The following UST variants were observed in gnomAD, a reference collection of about 807,000 sequenced individuals.
UST encodes chondroitin sulfate 2-O-sulfotransferase.
A neutral mutation model predicts 45.6 loss-of-function variants in UST; 21 were observed. That is an observed-to-expected ratio of 0.46 (90% CI 0.33 to 0.66). The LOEUF (loss-of-function observed/expected upper bound fraction) is 0.66, where lower values mean the gene tolerates loss of function less well. Among genes scored for constraint, UST ranks in the 30% least tolerant of loss-of-function variants. UST has a pLI of 0.02. For synonymous variants in UST, 215 were observed against 200.6 expected (o/e 1.07, Z -0.61); for missense variants, 463 against 512.4 (o/e 0.90, Z 0.93).
intron 3 of UST, among the ~76,000 whole-genome samples, chr6:148,949,898 C>T (rs928693957): frequency 6.6e-6 from 1 of 152,156 alleles, no homozygotes; most frequent in African/African-American, 2.4e-5. Flanking sequence ...AGGTCATGTT[C>T]AAAACCAAGC....
intron 5 of UST, among the ~76,000 whole-genome samples, chr6:149,018,819 A>T (rs1487108385): frequency 6.6e-6 from 1 of 152,128 alleles, no homozygotes; most frequent in African/African-American, 2.4e-5. Context: ...TGGTGGCGCC[A>T]CCACGAAGCA....
intron 5 of UST, among the ~76,000 whole-genome samples, chr6:149,014,872 C>A (rs532425680): frequency 6.6e-6 from 1 of 152,172 alleles, no homozygotes; most frequent in African/African-American, 2.4e-5. Context: ...GTATCAGGTG[C>A]CCCATTGTTA....
At chr6:148,905,543 C>A (rs1454851882) in intron 2 of UST, among the ~76,000 whole-genome samples, 1 of 152,248 alleles carries the variant, frequency 6.6e-6, no homozygotes, top group African/African-American at 2.4e-5. Flanking sequence ...TGGCTCCCTT[C>A]CCCTCCCCAG....
intron 2 of UST, among the ~76,000 whole-genome samples, chr6:148,927,114 G>A (rs956288954): frequency 5.3e-5 from 8 of 151,642 alleles, no homozygotes; most frequent in Admixed American, 3.9e-4. Flanking sequence ...TTACGTCCCC[G>A]TTATGTATTG....
intron 7 of UST, among the ~76,000 whole-genome samples, chr6:149,041,461 G>A (rs1021952700): frequency 6.6e-6 from 1 of 152,202 alleles, no homozygotes; most frequent in Admixed American, 6.5e-5. Flanking sequence ...AAGAGACCTG[G>A]AGCTGGGATG....
chr6:148,758,024 TAAGTTC>T (rs1331405105), intron 1 of UST, among the ~76,000 whole-genome samples: 1 of 152,238 alleles, frequency 6.6e-6, no homozygotes, highest in Non-Finnish European at 1.5e-5. Flanking sequence ...GCCTGACATT[TAAGTTC>T]AACAATTGCC....
chr6:148,996,735 A>G (rs1272632263), intron 5 of UST, among the ~76,000 whole-genome samples: 1 of 152,180 alleles, frequency 6.6e-6, no homozygotes, highest in Non-Finnish European at 1.5e-5. Flanking sequence ...CTGTTTTAGT[A>G]GTTCTTCATT....
chr6:149,011,481 T>C (rs1775809840), intron 5 of UST, among the ~76,000 whole-genome samples: 1 of 152,218 alleles, frequency 6.6e-6, no homozygotes, highest in Admixed American at 6.5e-5. Context: ...TTGGATTGTT[T>C]GTAATACAAA....
chr6:148,858,697 T>C (rs1778251035), intron 1 of UST, among the ~76,000 whole-genome samples: 1 of 152,098 alleles, frequency 6.6e-6, no homozygotes, highest in South Asian at 2.1e-4. Flanking sequence ...CCACCCTGTG[T>C]CCATGTGTTC....
At chr6:148,971,221 A>T (rs1333996937) in intron 5 of UST, among the ~76,000 whole-genome samples, 2 of 68,216 alleles carry the variant, frequency 2.9e-5, no homozygotes, top group Non-Finnish European at 6.3e-5. Flanking sequence ...GTGGCCAGTC[A>T]TACATTTTTT....
chr6:148,941,916 T>G (rs913381402), intron 3 of UST, among the ~76,000 whole-genome samples: 8 of 152,186 alleles, frequency 5.3e-5, no homozygotes, highest in Non-Finnish European at 1.0e-4. Context: ...GCATTTGGAA[T>G]GTTCAGTGGT....
At chr6:148,913,099 C>G (rs1779508713) in intron 2 of UST, among the ~76,000 whole-genome samples, 1 of 152,130 alleles carries the variant, frequency 6.6e-6, no homozygotes, top group Admixed American at 6.5e-5. Flanking sequence ...AAATTTCTTA[C>G]TGGATTAGTG....
intron 1 of UST, among the ~76,000 whole-genome samples, chr6:148,795,008 T>C (rs569387989): frequency 4.5e-4 from 68 of 152,322 alleles, no homozygotes; most frequent in African/African-American, 1.5e-3. Flanking sequence ...GACTGACTCA[T>C]GTTGTTTTTA....
intron 7 of UST, among the ~76,000 whole-genome samples, chr6:149,038,025 G>A (rs906722290): frequency 1.3e-5 from 2 of 152,084 alleles, no homozygotes; most frequent in African/African-American, 4.8e-5. Flanking sequence ...CCATAGCAAT[G>A]GCCAGACGCC....
At chr6:149,028,461 C>T (rs985496073) in intron 7 of UST, among the ~76,000 whole-genome samples, 1 of 152,080 alleles carries the variant, frequency 6.6e-6, no homozygotes, top group Non-Finnish European at 1.5e-5. Context: ...TTTGTAACTT[C>T]TAGGTGAAAG....
chr6:148,961,748 C>T (rs139955167), intron 4 of UST, among the ~76,000 whole-genome samples: 11 of 152,314 alleles, frequency 7.2e-5, no homozygotes, highest in African/African-American at 2.6e-4. Flanking sequence ...GGGTACAAAC[C>T]ATTCTCAGCC....
At chr6:149,012,196 T>C (rs183184524) in intron 5 of UST, among the ~76,000 whole-genome samples, 1 of 152,368 alleles carries the variant, frequency 6.6e-6, no homozygotes, top group Admixed American at 6.5e-5. Flanking sequence ...CAGTGATTCA[T>C]GCTAGACATG....
chr6:148,912,123 G>A (rs111317419), intron 2 of UST, among the ~76,000 whole-genome samples: 37,973 of 152,164 alleles, frequency 0.25, 5,636 homozygotes, highest in Non-Finnish European at 0.33. Context: ...TCTGAACCTT[G>A]GAGACGGAGG....
intron 7 of UST, among the ~76,000 whole-genome samples, chr6:149,051,993 G>A (rs73599932): frequency 0.038 from 5,851 of 152,104 alleles, 370 homozygotes; most frequent in African/African-American, 0.13. Flanking sequence ...TAGATTATAC[G>A]GTATTCATGA....
Sources: gnomAD v4.1 joint callset for allele counts (sites outside exome capture counted in the v4.1 genomes callset) on GRCh38, gnomAD v4.1.1 for gene constraint, MANE v1.5 for transcripts, NCBI Gene and HGNC (gene_info 2026-07-23, HGNC 2026-07-21) for gene names.